Variants in STK32A observed in about 807,000 individuals in gnomAD.
The protein encoded by STK32A is serine/threonine-protein kinase 32A.
In STK32A, 41 loss-of-function variants were observed where a neutral mutation model predicts 53.2. The ratio of observed to expected loss-of-function variants is 0.77; its 90% CI spans 0.60 to 1.00. The LOEUF is 1.00. Among genes scored for constraint, STK32A ranks in the 50% least tolerant of loss-of-function variants. The probability of loss-of-function intolerance (pLI) is 0.00; values close to 1 mark genes in which losing one functional copy is unlikely to be tolerated. For missense variants in STK32A, 458 were observed against 485.8 expected, an observed-to-expected ratio of 0.94 and a Z score of 0.54; for synonymous variants, 166 against 162.8, an observed-to-expected ratio of 1.02 and a Z score of -0.15.
chr5:147,309,162 G>A (rs1417735533), intron 4 of STK32A, among the ~76,000 whole-genome samples: 3 of 152,112 alleles, frequency 2.0e-5, no homozygotes, highest in African/African-American at 4.8e-5. Flanking sequence ...ACAGGTGAAT[G>A]AGCTGACCTT....
rs1356246778 is a variant in STK32A at position 147,250,866 on chromosome 5, C to T, written c.52+11180C>T. 3.4e-5 allele frequency among the ~76,000 whole-genome samples: 5 copies of T among 148,188 alleles called. No individual in the cohort carries two copies. In the East Asian group the frequency reaches 6.1e-4, roughly 18 times the overall value. Reference sequence around the variant, plus strand: ...CTGAGGCAGGAGAATGGCGTGAACCCGGGAGGTGGAGCTGGCAGTGAGCCG... The same window carrying T: ...CTGAGGCAGGAGAATGGCGTGAACCTGGGAGGTGGAGCTGGCAGTGAGCCG... On this transcript the variant is annotated intron_variant, in intron 2 of 12. Transcript: ENST00000397936.
At chr5:147,294,011 T>C (rs1224419447) in intron 4 of STK32A, among the ~76,000 whole-genome samples, 4 of 152,150 alleles carry the variant, frequency 2.6e-5, no homozygotes, top group Admixed American at 6.5e-5. Flanking sequence ...AGATAAGATT[T>C]TCATAAATCT....
At chr5:147,339,344 A>G (rs776860536) in intron 5 of STK32A, among the ~76,000 whole-genome samples, 104 of 152,190 alleles carry the variant, frequency 6.8e-4, no homozygotes, top group Non-Finnish European at 1.4e-3. Flanking sequence ...GAGGTTTGGG[A>G]ACCTCTGCCT....
chr5:147,379,009 A>G (rs186783319), intron 11 of STK32A, among the ~76,000 whole-genome samples: 6 of 151,346 alleles, frequency 4.0e-5, no homozygotes, highest in Admixed American at 1.3e-4. Context: ...TCTATAAATT[A>G]CTTTAGGCAG....
At chr5:147,352,123 C>A (rs1756013162) in intron 7 of STK32A, among the ~76,000 whole-genome samples, 1 of 152,068 alleles carries the variant, frequency 6.6e-6, no homozygotes, top group Non-Finnish European at 1.5e-5. Context: ...AAGGCAGGAG[C>A]ATTGCTCGAG....
At chr5:147,349,568 C>G (rs1755857615) in intron 6 of STK32A, among the ~76,000 whole-genome samples, 1 of 152,244 alleles carries the variant, frequency 6.6e-6, no homozygotes, top group African/African-American at 2.4e-5. Flanking sequence ...TGCAGGGACC[C>G]TAGAGCACCT....
At chr5:147,291,836 C>A (rs1752613712) in intron 4 of STK32A, among the ~76,000 whole-genome samples, 1 of 152,196 alleles carries the variant, frequency 6.6e-6, no homozygotes, top group South Asian at 2.1e-4. Flanking sequence ...TCAGGACCAA[C>A]ATACTTGTAA....
At chr5:147,256,495 G>A (rs1043602562) in intron 2 of STK32A, among the ~76,000 whole-genome samples, 4 of 152,078 alleles carry the variant, frequency 2.6e-5, no homozygotes, top group Non-Finnish European at 4.4e-5. Context: ...TTTGCTTTAA[G>A]TCTTTGTTTT....
At chr5:147,259,553 T>C (rs547315929) in intron 2 of STK32A, among the ~76,000 whole-genome samples, 11 of 150,280 alleles carry the variant, frequency 7.3e-5, no homozygotes, top group Non-Finnish European at 1.5e-4. Flanking sequence ...TTTTTTTTTT[T>C]ATTATTATAC....
intron 6 of STK32A, among the ~76,000 whole-genome samples, chr5:147,347,409 G>A (rs1204510857): frequency 2.0e-5 from 3 of 151,960 alleles, no homozygotes; most frequent in African/African-American, 7.3e-5. Flanking sequence ...CACTAAAGTA[G>A]TGATTCTCAA....
chr5:147,362,152 A>T (rs1756536687), intron 8 of STK32A, among the ~76,000 whole-genome samples: 1 of 152,248 alleles, frequency 6.6e-6, no homozygotes, highest in African/African-American at 2.4e-5. Flanking sequence ...AAAAGAAAGC[A>T]AATATGCTGA....
At position 147,378,840 on chromosome 5, in the gene STK32A, C is replaced by CTTTTTTTTTTTTTTTTTTTTTTTT. The variant is rs71001434; in HGVS notation, c.1032+3640_1032+3663dup. On this transcript the variant is annotated intron_variant, in intron 11 of 12. Transcript: ENST00000397936. Reference sequence around the variant, plus strand: ...GTAGTAGTGTAATAATGCCTCCAGTCTTTTTTTTTTTTTTTTTTTTTTTTT... The same window carrying CTTTTTTTTTTTTTTTTTTTTTTTT: ...GTAGTAGTGTAATAATGCCTCCAGTCTTTTTTTTTTTTTTTTTTTTTTTTTTTTTTTTTTTTTTTTTTTTTTTTT... 1.1e-4 allele frequency among the ~76,000 whole-genome samples: 3 copies of CTTTTTTTTTTTTTTTTTTTTTTTT among 28,106 alleles called. 1 individual carries two copies. Among genetic ancestry groups the CTTTTTTTTTTTTTTTTTTTTTTTT allele is most frequent in the Non-Finnish European group, 1.5e-4 (2 of 13,492 alleles). 18.4% of individuals were successfully genotyped at this position (28,106 alleles called of 152,430 possible).
At chr5:147,299,489 A>G (rs1032737813) in intron 4 of STK32A, among the ~76,000 whole-genome samples, 13 of 152,136 alleles carry the variant, frequency 8.5e-5, no homozygotes, top group African/African-American at 3.1e-4. Context: ...CCCAGCTCCT[A>G]TTTAAGATGG....
the STK32A span, chr5:147,393,634 C>G: frequency 5.1e-6 from 1 of 195,522 alleles, no homozygotes; most frequent in Non-Finnish European, 1.1e-5. Flanking sequence ...CACCTTGCTC[C>G]AGGCTCCCAC....
intron 1 of STK32A, among the ~76,000 whole-genome samples, chr5:147,237,170 G>A (rs1299894902): frequency 2.0e-5 from 3 of 152,048 alleles, no homozygotes; most frequent in African/African-American, 4.8e-5. Flanking sequence ...AAAATTAGCC[G>A]GGCATGGTGG....
At chr5:147,301,869 G>A (rs562871008) in intron 4 of STK32A, among the ~76,000 whole-genome samples, 5 of 152,232 alleles carry the variant, frequency 3.3e-5, no homozygotes, top group Admixed American at 3.3e-4. Context: ...CTAGCTTCTT[G>A]AGGCTGCCTG....
At chr5:147,287,157 G>A (rs529189271) in intron 4 of STK32A, among the ~76,000 whole-genome samples, 10 of 152,224 alleles carry the variant, frequency 6.6e-5, no homozygotes, top group African/African-American at 2.2e-4. Context: ...TGTGATCTGC[G>A]CTCCAAGCTA....
At chr5:147,307,080 C>T (rs1025569332) in intron 4 of STK32A, among the ~76,000 whole-genome samples, 5 of 151,810 alleles carry the variant, frequency 3.3e-5, no homozygotes, top group Non-Finnish European at 7.4e-5. Flanking sequence ...AAAAATATAG[C>T]GACCATAATA....
In STK32A at chr5:147,367,509, C is replaced by T. The variant is rs556097853; in HGVS notation, c.661-3145C>T. On this transcript the variant is annotated intron_variant, in intron 8 of 12. Transcript: ENST00000397936. ...GGGCTGAGTCCGAAAAGAGAATCAG[C>T]GAAGGGAGATAGGAGTGGGGCCGTT... Among the ~76,000 whole-genome samples, 28 of 151,838 alleles carry T rather than the reference C, an allele frequency of 1.8e-4. No individual in the cohort carries two copies. The South Asian group carries it at 3.3e-3, about 18-fold the overall frequency.
Sources: gnomAD v4.1 joint callset for allele counts (sites outside exome capture counted in the v4.1 genomes callset) on GRCh38, gnomAD v4.1.1 for gene constraint, MANE v1.5 for transcripts, NCBI Gene and HGNC (gene_info 2026-07-23, HGNC 2026-07-21) for gene names.